PRRX1: variants seen among roughly 807,000 people sequenced by gnomAD.
PRRX1 encodes the protein paired related homeobox 1.
In PRRX1, 8 loss-of-function variants were observed where a neutral mutation model predicts 24.0. The observed-to-expected ratio is 0.33, with a 90% CI of 0.20 to 0.60. The LOEUF is 0.60. Among genes scored for constraint, PRRX1 ranks in the 20% least tolerant of loss-of-function variants. PRRX1 has a pLI of 0.82. For synonymous variants in PRRX1, 160 were observed against 131.7 expected, an observed-to-expected ratio of 1.22 and a Z score of -1.47; for missense variants, 281 against 322.4, an observed-to-expected ratio of 0.87 and a Z score of 0.98.
At chr1:170,664,025 G>A (rs186773498), upstream of PRRX1, 1,294 of 586,364 alleles carry the variant, frequency 2.2e-3, 16 homozygotes, top group African/African-American at 0.026. Context: ...ACAGAAGGGG[G>A]TCCCCCACCC....
intron 1 of PRRX1, among the ~76,000 whole-genome samples, chr1:170,678,581 G>A (rs905902868): frequency 6.6e-6 from 1 of 152,206 alleles, no homozygotes; most frequent in East Asian, 1.9e-4. Flanking sequence ...GTGTTTGTGT[G>A]TGTGTTTGCT....
intron 3 of PRRX1, among the ~76,000 whole-genome samples, chr1:170,730,034 C>T (rs574228439): frequency 1.4e-4 from 21 of 152,172 alleles, no homozygotes; most frequent in Admixed American, 4.6e-4. Flanking sequence ...TCAGAGACAT[C>T]CTTTCCTAGG....
At chr1:170,681,602 A>G (rs1480346539) in intron 1 of PRRX1, among the ~76,000 whole-genome samples, 12 of 152,146 alleles carry the variant, frequency 7.9e-5, no homozygotes, top group Admixed American at 7.9e-4. Context: ...GTGAGTTGGA[A>G]GATAGTACTA....
chr1:170,675,629 G>C (rs1653295415), intron 1 of PRRX1, among the ~76,000 whole-genome samples: 1 of 152,118 alleles, frequency 6.6e-6, no homozygotes, highest in Non-Finnish European at 1.5e-5. Context: ...AAAAATTAAA[G>C]ATAGTGCATT....
intron 1 of PRRX1, among the ~76,000 whole-genome samples, chr1:170,708,582 T>C (rs113363168): frequency 0.046 from 7,004 of 152,212 alleles, 233 homozygotes; most frequent in Middle Eastern, 0.12. Flanking sequence ...TTTTGGAACA[T>C]AGAAATAACT....
At chr1:170,697,528 T>C (rs1200605857) in intron 1 of PRRX1, among the ~76,000 whole-genome samples, 1 of 151,732 alleles carries the variant, frequency 6.6e-6, no homozygotes, top group African/African-American at 2.4e-5. Flanking sequence ...CAGAGGTTTT[T>C]CTTCTAATCT....
At chr1:170,711,422 T>A (rs966831032) in intron 1 of PRRX1, among the ~76,000 whole-genome samples, 4 of 152,190 alleles carry the variant, frequency 2.6e-5, no homozygotes, top group African/African-American at 4.8e-5. Context: ...CTTGTAGCTG[T>A]CTTTCTATCT....
rs138413887 is a variant in PRRX1, at chr1:170,700,925, A to G, written c.242-18801A>G. On this transcript the variant is annotated intron_variant, in intron 1 of 3. Transcript: ENST00000239461. The stretch of plus-strand genomic sequence containing the variant: ...TAGGGAAATCATGATCATATCACTT[A>G]CCAGCACTGCATTCCTGAGAAGTCT... Among the ~76,000 whole-genome samples the G allele has an allele frequency of 1.0e-3, 158 of 152,292 alleles. 1 individual carries two copies. The highest frequency in any genetic ancestry group is 3.6e-3 in the African/African-American group (149 of 41,576).
intron 1 of PRRX1, among the ~76,000 whole-genome samples, chr1:170,699,021 CT>C (rs1409608912): frequency 1.3e-5 from 2 of 152,206 alleles, no homozygotes; most frequent in Non-Finnish European, 2.9e-5. Context: ...GAAGTCTGCA[CT>C]TTTGCAGCTA....
At chr1:170,666,566 C>T (rs1053168411) in intron 1 of PRRX1, among the ~76,000 whole-genome samples, 2 of 152,082 alleles carry the variant, frequency 1.3e-5, no homozygotes, top group African/African-American at 2.4e-5. Flanking sequence ...GAGGCTGGAC[C>T]CACAACAGAA....
At chr1:170,688,341 A>AT (rs955281748) in intron 1 of PRRX1, among the ~76,000 whole-genome samples, 2 of 151,758 alleles carry the variant, frequency 1.3e-5, no homozygotes, top group Non-Finnish European at 1.5e-5. Flanking sequence ...TAAGGTATCT[A>AT]TTTTTTTTCT....
intron 1 of PRRX1, among the ~76,000 whole-genome samples, chr1:170,682,674 CT>C (rs1558046950): frequency 6.6e-6 from 1 of 152,050 alleles, no homozygotes. Flanking sequence ...AGTCATTATG[CT>C]AGGTTCTGGG....
intron 3 of PRRX1, among the ~76,000 whole-genome samples, chr1:170,731,458 A>G (rs939979155): frequency 1.3e-5 from 2 of 152,292 alleles, no homozygotes; most frequent in East Asian, 3.9e-4. Context: ...TTGAAAATAG[A>G]GTCAGGTATT....
chr1:170,730,485 C>T, intron 3 of PRRX1: 2 of 705,182 alleles, frequency 2.8e-6, no homozygotes, highest in Non-Finnish European at 4.9e-6. Flanking sequence ...TTATTGGTAA[C>T]CAGAGCTGCA....
chr1:170,697,237 T>C, intron 1 of PRRX1, among the ~76,000 whole-genome samples: 1 of 152,210 alleles, frequency 6.6e-6, no homozygotes, highest in Non-Finnish European at 1.5e-5. Context: ...TTGGCTGTGC[T>C]GGGGAACTAA....
intron 1 of PRRX1, among the ~76,000 whole-genome samples, chr1:170,688,290 A>G (rs1006324704): frequency 6.6e-6 from 1 of 152,112 alleles, no homozygotes; most frequent in African/African-American, 2.4e-5. Flanking sequence ...ATATAGTGTT[A>G]ATATATATTT....
chr1:170,682,013 T>C (rs999808795), intron 1 of PRRX1, among the ~76,000 whole-genome samples: 1 of 152,150 alleles, frequency 6.6e-6, no homozygotes, highest in African/African-American at 2.4e-5. Flanking sequence ...AAATGCAATG[T>C]TTTAATTTGT....
intron 1 of PRRX1, among the ~76,000 whole-genome samples, chr1:170,694,735 T>C (rs1037689825): frequency 2.0e-5 from 3 of 152,200 alleles, no homozygotes; most frequent in Non-Finnish European, 2.9e-5. Flanking sequence ...AATGAAACTT[T>C]ACTGATTTCC....
intron 1 of PRRX1, among the ~76,000 whole-genome samples, chr1:170,687,613 A>T (rs1010680073): frequency 6.6e-6 from 1 of 152,186 alleles, no homozygotes; most frequent in Non-Finnish European, 1.5e-5. Context: ...GGTTTTTGTA[A>T]GCATTAAGTA....
Sources: gnomAD v4.1 joint callset for allele counts (sites outside exome capture counted in the v4.1 genomes callset) on GRCh38, gnomAD v4.1.1 for gene constraint, MANE v1.5 for transcripts, NCBI Gene and HGNC (gene_info 2026-07-23, HGNC 2026-07-21) for gene names.